MAPK11: variants seen among roughly 807,000 people sequenced by gnomAD.
MAPK11 encodes MAP kinase 11.
MAPK11 carries 44 observed loss-of-function variants against 52.2 expected under a neutral mutation model. The ratio of observed to expected loss-of-function variants is 0.84; its 90% CI spans 0.66 to 1.08. The LOEUF (loss-of-function observed/expected upper bound fraction) is 1.08, where lower values mean the gene tolerates loss of function less well. Among genes scored for constraint, MAPK11 ranks in the 50% least tolerant of loss-of-function variants. The pLI, the probability that MAPK11 is intolerant of heterozygous loss-of-function variation, is 0.00. For synonymous variants in MAPK11, 233 were observed against 206.3 expected, an observed-to-expected ratio of 1.13 and a Z score of -1.11; for missense variants, 436 against 494.7, an observed-to-expected ratio of 0.88 and a Z score of 1.13.
In MAPK11 at chr22:50,265,420, C is replaced by T. The variant is rs199785816; in HGVS notation, c.916G>A (p.Ala306Thr). ...RVSAAEALAH[A>T]YFSQYHDPED... ...GGGTCGTGGTACTGGCTGAAGTAGG[C>T]GTGGGCCAGTGCCTCAGCTGCACTG... Residue 306 changes from alanine (A) to threonine (T), a missense_variant, in exon 11 of 12, where the codon GCC becomes ACC. Ala to Thr is a moderately conservative substitution (Grantham distance 58). Transcript: ENST00000330651. The T allele has an allele frequency of 1.2e-4, 196 of 1,613,134 alleles. No homozygotes were observed. In the Admixed American group the frequency reaches 2.9e-3, roughly 24 times the overall value.
intron 10 of MAPK11, 25 bp downstream of exon 10, chr22:50,265,557 C>T (rs372460767): frequency 1.8e-5 from 29 of 1,612,228 alleles, no homozygotes; most frequent in Non-Finnish European, 2.4e-5. Context: ...ATATGGAGCC[C>T]AGTCTAGCCC....
chr22:50,267,788 CGCCCTCCCCCCACG>C lies in MAPK11; in HGVS notation c.246+18_246+31del, dbSNP rs761974635. The C allele has an allele frequency of 3.3e-6, 5 of 1,493,284 alleles. No homozygotes were observed. The East Asian group carries it at 8.5e-5, about 25-fold the overall frequency. The allele number at this position is 1,493,284 out of a possible 1,614,324, so 92.5% of individuals were successfully genotyped here. A position where few individuals can be genotyped will look rare whatever the true frequency, so the allele number is the denominator to read the frequency against. The stretch of plus-strand genomic sequence containing the variant: ...TGCGCCGCGGCCCCGCCCCCGCACG[CGCCCTCCCCCCACG>C]GCCCTCCCCCGGCTCACGTTCTCGT... On this transcript the variant is annotated intron_variant, in intron 2 of 11. Coordinates refer to ENST00000330651, the MANE Select transcript of MAPK11 (RefSeq NM_002751.7).
In MAPK11 at chr22:50,265,311, C is replaced by CCATG; in HGVS notation, c.1015+6_1015+9dup. 2 of 1,612,162 alleles carry CCATG rather than the reference C, an allele frequency of 1.2e-6. No individual in the cohort carries two copies. Among genetic ancestry groups the CCATG allele is most frequent in the Non-Finnish European group, 8.5e-7 (1 of 1,179,470 alleles). ...CCCCTGGACCCACCCCCAGCCACTG[C>CCATG]CATGCTCACCCTTCCACTCCTCCAG... On this transcript the variant is annotated intron_variant, in intron 11 of 11. Transcript: ENST00000330651.
In MAPK11 at chr22:50,267,185, C is replaced by T; in HGVS notation, c.448-11G>A. On this transcript the variant is annotated splice_polypyrimidine_tract_variant and intron_variant, in intron 5 of 11. Coordinates refer to ENST00000330651, the MANE Select transcript of MAPK11 (RefSeq NM_002751.7). ...GCTGGGCTTCAGGTCCTGCAGGTCA[C>T]GCGGAGCGTGAGCACAGGAGGCTGG... 1.2e-6 allele frequency: 2 copies of T among 1,611,192 alleles called. No individual in the cohort carries two copies. Among genetic ancestry groups the T allele is most frequent in the South Asian group, 1.1e-5 (1 of 90,856 alleles).
Position 50,265,644 on chromosome 22 carries a change from T to C in MAPK11, c.779A>G (p.Gln260Arg). ...ISSEHARTYI[Q>R]SLPPMPQKDL... The stretch of plus-strand genomic sequence containing the variant: ...CTTCTGGGGCATGGGGGGCAGGGAC[T>C]GGATATATGTCCGGGCCTGGGGGCA... The change falls in exon 10 of 12, where the codon CAG (glutamine) becomes CGG (arginine). Residue 260 changes from glutamine to arginine, a missense_variant. Physicochemically the swap from Gln to Arg is conservative, Grantham distance 43. Transcript: ENST00000330651. The C allele has an allele frequency of 6.3e-7, 1 of 1,585,224 alleles. No homozygotes were observed. Among genetic ancestry groups the C allele is most frequent in the Non-Finnish European group, 8.6e-7 (1 of 1,163,236 alleles).
Position 50,266,926 on chromosome 22 carries a change from C to T in MAPK11, c.610+8G>A. 6.2e-7 allele frequency: 1 copy of T among 1,607,070 alleles called. No individual in the cohort carries two copies. The highest frequency in any genetic ancestry group is 1.1e-5 in the South Asian group (1 of 91,058). On this transcript the variant is annotated splice_region_variant and intron_variant, in intron 7 of 11. Transcript: ENST00000330651. ...GGCCTTCGTCCCCCCAAGGCCTTCCCCCTGCACCTGTTTGGTTGTAATGCA... is the reference window on the plus strand; with the variant it reads ...GGCCTTCGTCCCCCCAAGGCCTTCCTCCTGCACCTGTTTGGTTGTAATGCA...
At chr22:50,267,234 C>CCTCACCCTGCGGTCGCACCTA in intron 5 of MAPK11, 23 bp downstream of exon 5, 1 of 1,608,346 alleles carries the variant, frequency 6.2e-7, no homozygotes, top group Non-Finnish European at 8.5e-7. Flanking sequence ...TGGACCCGAC[C>CCTCACCCTGCGGTCGCACCTA]CTCACCCTGC....
chr22:50,267,715 G>A, intron 2 of MAPK11, 88 bp from the exon 3 acceptor site: 3 of 1,430,140 alleles, frequency 2.1e-6, no homozygotes, highest in Non-Finnish European at 2.8e-6. Flanking sequence ...GCCAGGCCGC[G>A]CCCCCTGTGT....
rs36083586 is a variant in MAPK11 at position 50,267,952 on chromosome 22, G to A, written c.117-3C>T. On this transcript the variant is annotated splice_region_variant and splice_polypyrimidine_tract_variant and intron_variant, in intron 1 of 11. Coordinates refer to ENST00000330651, the MANE Select transcript of MAPK11 (RefSeq NM_002751.7). Reference sequence around the variant, plus strand: ...GCAGCCGGGCGTCGTAGGCCGAACTGGAAGGCGGGCGAGTGAGGCGGCGCC... The same window carrying A: ...GCAGCCGGGCGTCGTAGGCCGAACTAGAAGGCGGGCGAGTGAGGCGGCGCC... 0.13 allele frequency: 200,700 copies of A among 1,552,374 alleles called. 13,515 individuals are homozygous for A. The highest frequency in any genetic ancestry group is 0.2 in the Admixed American group (10,647 of 52,968).
chr22:50,264,863 G>T lies in MAPK11; in HGVS notation c.*85C>A. 1.9e-6 allele frequency: 2 copies of T among 1,055,614 alleles called. No homozygotes were observed. The highest frequency in any genetic ancestry group is 1.4e-6 in the Non-Finnish European group (1 of 712,158). 65.4% of individuals were successfully genotyped at this position (1,055,614 alleles called of 1,614,324 possible). A position where few individuals can be genotyped will look rare whatever the true frequency, so the allele number is the denominator to read the frequency against. On this transcript the variant is annotated 3_prime_UTR_variant, in exon 12 of 12. Transcript: ENST00000330651. ...GTCTGTGACCATAGGAGTGTGGGAGGTGCCTCTCGAGGAAACCAGGCCAGC... is the reference window on the plus strand; with the variant it reads ...GTCTGTGACCATAGGAGTGTGGGAGTTGCCTCTCGAGGAAACCAGGCCAGC...
intron 11 of MAPK11, 72 bp downstream of exon 11, chr22:50,265,249 G>T: frequency 6.4e-7 from 1 of 1,566,858 alleles, no homozygotes; most frequent in Non-Finnish European, 8.7e-7. Context: ...AGAGGAACTG[G>T]GGCATTTCCT....
Position 50,265,589 on chromosome 22 carries a change from G to A in MAPK11, c.834C>T (p.Asn278=), listed in dbSNP as rs766082850. The A allele has an allele frequency of 1.9e-6, 3 of 1,612,078 alleles. No homozygotes were observed. Among genetic ancestry groups the A allele is most frequent in the East Asian group, 2.2e-5 (1 of 44,880 alleles). ...KDLSSIFRGA[N]PLAIDLLGRM... ...GCCCAGGGCAGTCCTCACCCAGGGG[G>A]TTGGCTCCACGGAAGATGCTGCTCA... The change falls in exon 10 of 12, where the codon AAC becomes AAT. Residue 278 remains asparagine, a synonymous_variant. Coordinates refer to ENST00000330651, the MANE Select transcript of MAPK11 (RefSeq NM_002751.7).
chr22:50,266,152 C>T (rs573843488), intron 9 of MAPK11, 74 bp downstream of exon 9: 11 of 1,282,624 alleles, frequency 8.6e-6, no homozygotes, highest in Non-Finnish European at 1.2e-5. Flanking sequence ...CGCATTTCCA[C>T]ACCACCCTCT....
chr22:50,270,356 G>T lies in MAPK11; in HGVS notation c.-64C>A. Reference sequence around the variant, plus strand: ...CGCCCCGCGCCCGCGCCCGAGCCGAGCCCGAGCCGAGCGGAGCGGAGGGCG... The same window carrying T: ...CGCCCCGCGCCCGCGCCCGAGCCGATCCCGAGCCGAGCGGAGCGGAGGGCG... On this transcript the variant is annotated 5_prime_UTR_variant, in exon 1 of 12. Transcript: ENST00000330651. The surrounding 1 kb of genome is among the most constrained non-coding windows in gnomAD (Gnocchi z 6.3). 1.6e-6 allele frequency: 1 copy of T among 612,320 alleles called. No homozygotes were observed. Among genetic ancestry groups the T allele is most frequent in the Non-Finnish European group, 2.1e-6 (1 of 478,880 alleles). 37.9% of individuals were successfully genotyped at this position (612,320 alleles called of 1,614,324 possible). A position where few individuals can be genotyped will look rare whatever the true frequency, so the allele number is the denominator to read the frequency against.
rs1323668346 is a variant in MAPK11, at chr22:50,265,657, G to A, written c.766C>T (p.Arg256Trp). The change falls in exon 10 of 12, where the codon CGG becomes TGG. Residue 256 changes from arginine to tryptophan, a missense_variant. Physicochemically the swap from Arg to Trp is moderately radical, Grantham distance 101 (BLOSUM62 -3). Transcript: ENST00000330651. ...GGGGGCAGGGACTGGATATATGTCC[G>A]GGCCTGGGGGCACACAAGAACACCT... ...VLAKISSEHARTYIQSLPPMP... is the reference protein window; with the variant it reads ...VLAKISSEHAWTYIQSLPPMP... 6 of 1,551,112 alleles carry A rather than the reference G, an allele frequency of 3.9e-6. No homozygotes were observed. The highest frequency in any genetic ancestry group is 2.4e-5 in the South Asian group (2 of 82,838).
rs201657954 is a variant in MAPK11 at position 50,270,182 on chromosome 22, G to C, written c.111C>G (p.Ser37=). 3.0e-5 allele frequency: 44 copies of C among 1,442,874 alleles called. No individual in the cohort carries two copies. The highest frequency in any genetic ancestry group is 3.7e-5 in the Non-Finnish European group (41 of 1,094,938). 89.4% of individuals were successfully genotyped at this position (1,442,874 alleles called of 1,614,324 possible). ...LRPVGSGAYG[S]VCSAYDARLR... is the part of the protein sequence containing the mutation. The stretch of plus-strand genomic sequence containing the variant: ...CCCTTCTGCCCCGCCCCTACCAGAC[G>C]GAGCCGTAGGCGCCGGAGCCCACCG... The change falls in exon 1 of 12, where the codon TCC becomes TCG. Residue 37 remains serine (S), a synonymous_variant. Transcript: ENST00000330651. The surrounding 1 kb of genome is among the most constrained non-coding windows in gnomAD (Gnocchi z 6.3).
intron 2 of MAPK11, 33 bp downstream of exon 2, chr22:50,267,787 G>A (rs1236088926): frequency 9.0e-7 from 1 of 1,108,510 alleles, no homozygotes; most frequent in Admixed American, 3.1e-5. Flanking sequence ...GCCCCCGCAC[G>A]CGCCCTCCCC....
Position 50,267,826 on chromosome 22 carries a change from G to C in MAPK11, c.240C>G (p.His80Gln), listed in dbSNP as rs754643839. The C allele has an allele frequency of 6.4e-7, 1 of 1,553,222 alleles. No individual in the cohort carries two copies. Among genetic ancestry groups the C allele is most frequent in the Non-Finnish European group, 8.7e-7 (1 of 1,152,872 alleles). The change falls in exon 2 of 12, where the codon CAC (histidine) becomes CAG (glutamine). Residue 80 changes from histidine to glutamine, a missense_variant. By Grantham distance (24) the His-to-Gln change is conservative. Coordinates refer to ENST00000330651, the MANE Select transcript of MAPK11 (RefSeq NM_002751.7). ...RELRLLKHLK[H>Q]ENVIGLLDVF... is the part of the protein sequence containing the mutation. The stretch of plus-strand genomic sequence containing the variant: ...CGGCCCTCCCCCGGCTCACGTTCTC[G>C]TGCTTCAGGTGCTTGAGCAGCCGCA...
intron 11 of MAPK11, 35 bp downstream of exon 11, chr22:50,265,286 C>T: frequency 6.2e-7 from 1 of 1,608,218 alleles, no homozygotes. Context: ...AGCCCGCAGG[C>T]CCCTGGACCC....
Sources: allele counts gnomAD v4.1 joint callset, GRCh38; gene constraint gnomAD v4.1.1; non-coding constraint Gnocchi (gnomAD v3.1); transcripts MANE v1.5; gene names NCBI Gene and HGNC (gene_info 2026-07-23, HGNC 2026-07-21).